ANKRD30BL: variants seen among roughly 807,000 people sequenced by gnomAD.
ANKRD30BL encodes ankyrin repeat domain 30B like, also known as putative ankyrin repeat domain-containing protein 30B-like.
Under a neutral mutation model 18.4 loss-of-function variants are expected in ANKRD30BL, and 20 were observed. The ratio of observed to expected loss-of-function variants is 1.09; its 90% CI spans 0.77 to 1.58. The LOEUF is 1.58. Ranked by LOEUF, ANKRD30BL falls within the 40% of genes most tolerant of loss-of-function variation. The pLI is 0.00. For missense variants in ANKRD30BL, 224 were observed against 268.6 expected (o/e 0.83, Z 1.16); for synonymous variants, 72 against 100.9 (o/e 0.71, Z 1.72).
At chr2:132,168,886 A>C (rs1688230796) in intron 1 of ANKRD30BL, among the ~76,000 whole-genome samples, 1 of 104,700 alleles carries the variant, frequency 9.6e-6, no homozygotes, top group Non-Finnish European at 1.9e-5. Flanking sequence ...CAATGAAGCT[A>C]GAAAGAAAAA....
chr2:132,160,226 C>T (rs1446271965), intron 1 of ANKRD30BL, among the ~76,000 whole-genome samples: 3 of 151,814 alleles, frequency 2.0e-5, no homozygotes, highest in Admixed American at 6.6e-5. Flanking sequence ...CTCAGCCTCC[C>T]GAGTAGATGG....
intron 1 of ANKRD30BL, among the ~76,000 whole-genome samples, chr2:132,197,067 A>C: frequency 6.6e-6 from 1 of 152,258 alleles, no homozygotes; most frequent in East Asian, 1.9e-4. Context: ...CTAAGGGCCC[A>C]CTTTGATGAC....
intron 1 of ANKRD30BL, among the ~76,000 whole-genome samples, chr2:132,228,403 C>T (rs201224693): frequency 1.3e-5 from 2 of 149,348 alleles, no homozygotes; most frequent in East Asian, 2.0e-4. Flanking sequence ...GAGCGCTTTG[C>T]AACCTATGTT....
At chr2:132,233,350 G>A (rs1392233255) in intron 1 of ANKRD30BL, among the ~76,000 whole-genome samples, 3 of 145,738 alleles carry the variant, frequency 2.1e-5, no homozygotes, top group African/African-American at 7.6e-5. Flanking sequence ...AACTTTAAAT[G>A]TAAATGGACT....
At chr2:132,232,848 C>G (rs1327889976) in intron 1 of ANKRD30BL, among the ~76,000 whole-genome samples, 1 of 151,954 alleles carries the variant, frequency 6.6e-6, no homozygotes, top group East Asian at 1.9e-4. Flanking sequence ...CACAAAGATA[C>G]TCCTCGAGAA....
intron 1 of ANKRD30BL, among the ~76,000 whole-genome samples, chr2:132,220,438 G>T (rs1444582457): frequency 1.3e-5 from 2 of 151,638 alleles, no homozygotes; most frequent in African/African-American, 2.4e-5. Flanking sequence ...GTACTGCTGC[G>T]ATCTCGGCTC....
At chr2:132,243,175 G>A (rs1327071132) in intron 1 of ANKRD30BL, among the ~76,000 whole-genome samples, 1 of 151,608 alleles carries the variant, frequency 6.6e-6, no homozygotes, top group Non-Finnish European at 1.5e-5. Context: ...GTATCTGTAA[G>A]TGGACATTTG....
At chr2:132,236,703 G>C (rs1680161416) in intron 1 of ANKRD30BL, among the ~76,000 whole-genome samples, 1 of 152,154 alleles carries the variant, frequency 6.6e-6, no homozygotes, top group Non-Finnish European at 1.5e-5. Flanking sequence ...CAACCATTAG[G>C]GAAGTCAGTG....
At chr2:132,177,212 G>A (rs1055344230) in intron 1 of ANKRD30BL, among the ~76,000 whole-genome samples, 1 of 151,736 alleles carries the variant, frequency 6.6e-6, no homozygotes, top group Admixed American at 6.6e-5. Flanking sequence ...GGAGTGCAAT[G>A]GCACTTCCTC....
At chr2:132,236,629 A>G (rs540945846) in intron 1 of ANKRD30BL, among the ~76,000 whole-genome samples, 2 of 152,078 alleles carry the variant, frequency 1.3e-5, no homozygotes, top group African/African-American at 2.4e-5. Flanking sequence ...GAAACAACAC[A>G]TGCTGGAGAC....
rs543691607 is a variant in ANKRD30BL, at chr2:132,159,337, T to C, written c.219-1914A>G. On this transcript the variant is annotated intron_variant, in intron 1 of 5. Transcript: ENST00000409867. ...ATATGGTACTTACCACCAAATTGTC[T>C]ATTTGAAAAGTTATCTGCAACTTAA... Among the ~76,000 whole-genome samples, 10 of 152,266 alleles carry C rather than the reference T, an allele frequency of 6.6e-5. No homozygotes were observed. The South Asian group carries it at 2.1e-3, about 32-fold the overall frequency.
intron 1 of ANKRD30BL, among the ~76,000 whole-genome samples, chr2:132,172,102 T>C (rs1468075519): frequency 6.6e-6 from 1 of 152,226 alleles, no homozygotes; most frequent in Non-Finnish European, 1.5e-5. Flanking sequence ...ATATGGTGTA[T>C]TTTGTTTATT....
At chr2:132,257,760 C>T (rs1026727912) in exon 1 of ANKRD30BL, 1 of 153,080 alleles carries the variant, frequency 6.5e-6, no homozygotes, top group Non-Finnish European at 1.5e-5. Flanking sequence ...AGGGGGCCTG[C>T]GGTACCAGGA....
intron 1 of ANKRD30BL, chr2:132,257,030 G>A (rs200962774): frequency 1.9e-6 from 1 of 514,068 alleles, no homozygotes; most frequent in African/African-American, 2.0e-5. Context: ...CCACAGACAG[G>A]AGGGAGGTAC....
intron 1 of ANKRD30BL, among the ~76,000 whole-genome samples, chr2:132,182,709 AT>A (rs1379577143): frequency 6.7e-6 from 1 of 148,254 alleles, no homozygotes; most frequent in Non-Finnish European, 1.5e-5. Context: ...GATTAAAAAA[AT>A]AGTAACTTTA....
intron 1 of ANKRD30BL, among the ~76,000 whole-genome samples, chr2:132,218,547 G>C (rs1467842309): frequency 6.6e-6 from 1 of 152,278 alleles, no homozygotes; most frequent in Non-Finnish European, 1.5e-5. Flanking sequence ...TCTTTTGATA[G>C]AGCAGGTTTG....
intron 4 of ANKRD30BL, chr2:132,153,554 T>C (rs777594629): frequency 1.3e-5 from 7 of 553,636 alleles, no homozygotes; most frequent in Admixed American, 4.1e-5. Context: ...TGTAAACACT[T>C]AGAGATTAAA....
At chr2:132,179,278 C>G (rs1175665221) in intron 1 of ANKRD30BL, among the ~76,000 whole-genome samples, 1 of 141,386 alleles carries the variant, frequency 7.1e-6, no homozygotes, top group Non-Finnish European at 1.5e-5. Flanking sequence ...ATTTACTACT[C>G]TATTCTTTTT....
intron 1 of ANKRD30BL, among the ~76,000 whole-genome samples, chr2:132,254,893 G>A (rs1048298137): frequency 6.6e-6 from 1 of 152,210 alleles, no homozygotes; most frequent in East Asian, 1.9e-4. Context: ...CCGTGGAATC[G>A]AGAAAGAGCT....
Sources: allele counts gnomAD v4.1 joint callset (sites outside exome capture counted in the v4.1 genomes callset), GRCh38; gene constraint gnomAD v4.1.1; transcripts MANE v1.5; gene names NCBI Gene and HGNC (gene_info 2026-07-23, HGNC 2026-07-21).